HERC1: variants seen among roughly 807,000 people sequenced by gnomAD.
HERC1 encodes probable E3 ubiquitin-protein ligase HERC1.
Under a neutral mutation model 554.3 loss-of-function variants are expected in HERC1, and 160 were observed. The observed-to-expected ratio is 0.29, with a 90% confidence interval of 0.25 to 0.33. HERC1 has a LOEUF of 0.33. Among genes scored for constraint, HERC1 ranks in the 10% least tolerant of loss-of-function variants. HERC1 has a pLI of 1.00. For synonymous variants in HERC1, 2,175 were observed against 2,131.7 expected (o/e 1.02, Z -0.56); for missense variants, 4,919 against 5,918.5 (o/e 0.83, Z 5.54).
chr15:63,648,872 G>T (rs1399059861), intron 54 of HERC1, among the ~76,000 whole-genome samples: 1 of 152,132 alleles, frequency 6.6e-6, no homozygotes, highest in Non-Finnish European at 1.5e-5. Flanking sequence ...GGAATACCAT[G>T]TAAGCAGGCA....
rs1296894049 is a variant in HERC1 at position 63,749,789 on chromosome 15, G to A, written c.1905C>T (p.Val635=). 1 of 1,547,768 alleles carries A rather than the reference G, an allele frequency of 6.5e-7. No individual in the cohort carries two copies. Among genetic ancestry groups the A allele is most frequent in the Non-Finnish European group, 8.7e-7 (1 of 1,148,822 alleles). Reference sequence around the variant, plus strand: ...GACAAGCTCCACAGCCCCAAGCATAGACCTGAAAAAAACAGAAATACGTTA... The same window carrying A: ...GACAAGCTCCACAGCCCCAAGCATAAACCTGAAAAAAACAGAAATACGTTA... ...SSLALTSTGQ[V]YAWGCGACLG... is the part of the protein sequence containing the mutation. The change falls in exon 9 of 78, where the codon GTC becomes GTT. Residue 635 remains valine (V), a splice_region_variant and synonymous_variant. Transcript: ENST00000443617. This position sits in a 1 kb window ranked among gnomAD's most constrained non-coding sequence, Gnocchi z 4.1.
chr15:63,809,194 G>A (rs1400929367), intron 1 of HERC1, among the ~76,000 whole-genome samples: 2 of 152,090 alleles, frequency 1.3e-5, no homozygotes, highest in African/African-American at 4.8e-5. Flanking sequence ...ACCACTGACT[G>A]GCTTCAAAGT....
Position 63,698,810 on chromosome 15 carries a change from C to G in HERC1, c.4823G>C (p.Gly1608Ala). ...CATACTTTCCTCTGGCTCTTTAAAA[C>G]CTGGGGCATTCCCCACATCTCCACT... ...FVSGDVGNAP[G>A]FKEPEESMST... The change falls in exon 26 of 78, where the codon GGT becomes GCT. Residue 1608 changes from glycine (G) to alanine (A), a missense_variant. Physicochemically the swap from Gly to Ala is moderately conservative, Grantham distance 60. This residue lies in a region of HERC1 where 1,121 missense variants were observed against 1,244.0 expected (regional missense o/e 0.90). Coordinates refer to ENST00000443617, the MANE Select transcript of HERC1 (RefSeq NM_003922.4). The G allele has an allele frequency of 1.2e-6, 2 of 1,613,880 alleles. No homozygotes were observed. The highest frequency in any genetic ancestry group is 8.5e-7 in the Non-Finnish European group (1 of 1,179,846).
rs2077191521 is a variant in HERC1 at position 63,808,206 on chromosome 15, TA to T, written c.-27+25620del. Among the ~76,000 whole-genome samples the T allele has an allele frequency of 2.0e-5, 3 of 152,324 alleles. No individual in the cohort carries two copies. The South Asian group carries it at 6.2e-4, about 32-fold the overall frequency. On this transcript the variant is annotated intron_variant, in intron 1 of 77. Transcript: ENST00000443617. ...GCTATAAGCAAATTTATTATGTTTT[TA>T]ATGATTTTGTTTTCAATGTAATGAT...
In HERC1 at chr15:63,618,167, T is replaced by G. The variant is rs1297397511; in HGVS notation, c.13689-1485A>C. ...TAACATTTAAGTCTTTAATCCATCT[T>G]GAATTCATTTTTGTATAAGGTGTAA... On this transcript the variant is annotated intron_variant, in intron 74 of 77. Transcript: ENST00000443617. Among the ~76,000 whole-genome samples, 15 of 151,596 alleles carry G rather than the reference T, an allele frequency of 9.9e-5. No homozygotes were observed. The East Asian group carries it at 2.5e-3, about 25-fold the overall frequency.
chr15:63,822,831 A>G (rs2077751627), intron 1 of HERC1, among the ~76,000 whole-genome samples: 1 of 152,196 alleles, frequency 6.6e-6, no homozygotes, highest in Admixed American at 6.5e-5. Context: ...AAATGTATTC[A>G]GAAAATAGAG....
intron 68 of HERC1, among the ~76,000 whole-genome samples, chr15:63,631,122 G>A (rs2068532853): frequency 6.6e-6 from 1 of 152,132 alleles, no homozygotes; most frequent in Admixed American, 6.5e-5. Flanking sequence ...TGGACCACAG[G>A]CACATGCCAC....
intron 63 of HERC1, 104 bp from the exon 64 acceptor site, chr15:63,637,747 GTT>G: frequency 1.0e-6 from 1 of 981,108 alleles, no homozygotes; most frequent in Non-Finnish European, 1.5e-6. Flanking sequence ...TTTTATAATT[GTT>G]TTATCCTTTT....
At chr15:63,713,146 C>T (rs1033783433) in intron 23 of HERC1, among the ~76,000 whole-genome samples, 14 of 152,206 alleles carry the variant, frequency 9.2e-5, no homozygotes, top group African/African-American at 3.1e-4. Flanking sequence ...AAAAATTGTG[C>T]CTCCTCATTT....
At chr15:63,781,524 G>A (rs1439858418) in intron 1 of HERC1, among the ~76,000 whole-genome samples, 1 of 152,122 alleles carries the variant, frequency 6.6e-6, no homozygotes, top group Non-Finnish European at 1.5e-5. Flanking sequence ...CATATAAGAT[G>A]GCAAACTTAA....
intron 8 of HERC1, among the ~76,000 whole-genome samples, chr15:63,751,696 T>C (rs1369213872): frequency 1.3e-5 from 2 of 152,180 alleles, no homozygotes; most frequent in Non-Finnish European, 2.9e-5. Flanking sequence ...AAACTATTCT[T>C]ACCCATTAAA....
chr15:63,722,875 G>T (rs1218678404), intron 19 of HERC1, among the ~76,000 whole-genome samples: 1 of 152,040 alleles, frequency 6.6e-6, no homozygotes, highest in Non-Finnish European at 1.5e-5. Flanking sequence ...AATCTACTGG[G>T]AGTCTTGGAA....
In HERC1 at chr15:63,621,109, C is replaced by T. The variant is rs964130957; in HGVS notation, c.13688+1706G>A. Among the ~76,000 whole-genome samples, 267 of 152,296 alleles carry T rather than the reference C, an allele frequency of 1.8e-3. 2 individuals carry two copies. Among genetic ancestry groups the T allele is most frequent in the African/African-American group, 6.2e-3 (257 of 41,550 alleles). ...AGCCTCGATGGTCTTTACAATTTGGCATGTTTTTGCAGTGGCTGGTACCAG... is the reference window on the plus strand; with the variant it reads ...AGCCTCGATGGTCTTTACAATTTGGTATGTTTTTGCAGTGGCTGGTACCAG... On this transcript the variant is annotated intron_variant, in intron 74 of 77. Coordinates refer to ENST00000443617, the MANE Select transcript of HERC1 (RefSeq NM_003922.4).
chr15:63,706,935 T>C, intron 24 of HERC1, 104 bp from the exon 25 acceptor site: 1 of 695,036 alleles, frequency 1.4e-6, no homozygotes, highest in South Asian at 2.3e-5. Context: ...ATTACAGCAA[T>C]GTCTTACTTA....
chr15:63,647,080 C>A (rs1036788953), intron 55 of HERC1, among the ~76,000 whole-genome samples: 6 of 151,790 alleles, frequency 4.0e-5, no homozygotes, highest in African/African-American at 1.2e-4. Flanking sequence ...CATGGTGAAA[C>A]CCTGTCTCTA....
chr15:63,646,374 T>G (rs2069338336), intron 55 of HERC1, among the ~76,000 whole-genome samples: 1 of 152,186 alleles, frequency 6.6e-6, no homozygotes, highest in South Asian at 2.1e-4. Context: ...CTTATTTATT[T>G]TTACATAGAC....
chr15:63,787,311 C>T (rs2076489568), intron 1 of HERC1, among the ~76,000 whole-genome samples: 1 of 151,912 alleles, frequency 6.6e-6, no homozygotes, highest in Admixed American at 6.6e-5. Context: ...CATGCACCAC[C>T]ACACCCAGCT....
chr15:63,802,173 A>T (rs1035649343), intron 1 of HERC1, among the ~76,000 whole-genome samples: 2 of 152,206 alleles, frequency 1.3e-5, no homozygotes, highest in African/African-American at 2.4e-5. Context: ...TGCCACATGT[A>T]CTTCTAGAAG....
At position 63,774,937 on chromosome 15, in the gene HERC1, A is replaced by T. The variant is rs35471228; in HGVS notation, c.687T>A (p.Leu229=). ...CAGAATTAGGAATAGTGACTCCTTT[A>T]AGAAATGTTGTTACTTGCGATAAGC... is the stretch of plus-strand genomic sequence containing the variant. ...LDCLSQVTTF[L]KGVTIPNSGA... Residue 229 remains leucine (L), a synonymous_variant, in exon 2 of 78, where the codon CTT becomes CTA. Coordinates refer to ENST00000443617, the MANE Select transcript of HERC1 (RefSeq NM_003922.4). 9,510 of 1,614,000 alleles carry T rather than the reference A, an allele frequency of 5.9e-3. 465 individuals carry two copies. In the African/African-American group the frequency reaches 0.11, roughly 18 times the overall value.
Sources: allele counts gnomAD v4.1 joint callset (sites outside exome capture counted in the v4.1 genomes callset), GRCh38; gene constraint gnomAD v4.1.1; regional missense constraint gnomAD v4.1.1; non-coding constraint Gnocchi (gnomAD v3.1); transcripts MANE v1.5; gene names NCBI Gene and HGNC (gene_info 2026-07-23, HGNC 2026-07-21).